BAZ2B: variants seen among roughly 807,000 people sequenced by gnomAD.
BAZ2B encodes bromodomain adjacent to zinc finger domain protein 2B.
Under a neutral mutation model 246.0 loss-of-function variants are expected in BAZ2B, and 91 were observed. The observed-to-expected ratio is 0.37, with a 90% CI of 0.31 to 0.44. BAZ2B has a LOEUF of 0.44. Among genes scored for constraint, BAZ2B ranks in the 20% least tolerant of loss-of-function variants. The pLI, the probability that BAZ2B is intolerant of heterozygous loss-of-function variation, is 1.00. For synonymous variants in BAZ2B, 855 were observed against 860.0 expected (o/e 0.99, Z 0.10); for missense variants, 2,332 against 2,533.7 (o/e 0.92, Z 1.71).
chr2:159,615,476 C>A, intron 1 of BAZ2B: 1 of 152,548 alleles, frequency 6.6e-6, no homozygotes. Context: ...TTTCCCAATC[C>A]CACCTGCCCC....
chr2:159,382,672 CA>C lies in BAZ2B; in HGVS notation c.3891del (p.Ser1297ArgfsTer58). On this transcript the variant is annotated frameshift_variant, in exon 25 of 37. Coordinates refer to ENST00000392783, the MANE Select transcript of BAZ2B (RefSeq NM_013450.4). LOFTEE classifies it high-confidence loss of function. ...GRKRRRKGGD[S>X]DYDDDDDDDS... ...TCATCGTCATCATCATCGTCATAAT[CA>C]CTGTCTCCTCCCTTCCTTCTTCGCT... 1 of 1,608,098 alleles carries C rather than the reference CA, an allele frequency of 6.2e-7. No homozygotes were observed. Among genetic ancestry groups the C allele is most frequent in the Non-Finnish European group, 8.5e-7 (1 of 1,176,546 alleles).
intron 27 of BAZ2B, among the ~76,000 whole-genome samples, chr2:159,366,547 A>G (rs1437923021): frequency 6.6e-6 from 1 of 152,224 alleles, no homozygotes; most frequent in Non-Finnish European, 1.5e-5. Flanking sequence ...ACAAGCTTTC[A>G]TTACTTTGTA....
chr2:159,449,301 A>G (rs17423523), intron 4 of BAZ2B, among the ~76,000 whole-genome samples: 49,926 of 152,026 alleles, frequency 0.33, 9,754 homozygotes, highest in Non-Finnish European at 0.46. Context: ...CCAACTGGCT[A>G]GTCTGCTAGA....
intron 2 of BAZ2B, among the ~76,000 whole-genome samples, chr2:159,487,320 T>C (rs1014282616): frequency 6.6e-6 from 1 of 152,162 alleles, no homozygotes; most frequent in African/African-American, 2.4e-5. Context: ...CTTTTGTATG[T>C]TTTGTACATT....
chr2:159,465,341 G>A (rs2076910668), intron 3 of BAZ2B, among the ~76,000 whole-genome samples: 1 of 152,136 alleles, frequency 6.6e-6, no homozygotes, highest in Non-Finnish European at 1.5e-5. Context: ...AGCTCTGTAA[G>A]GTATCTATAT....
intron 2 of BAZ2B, among the ~76,000 whole-genome samples, chr2:159,549,702 C>T (rs1381559833): frequency 6.6e-6 from 1 of 150,644 alleles, no homozygotes; most frequent in Non-Finnish European, 1.5e-5. Flanking sequence ...ATGTGGCCCA[C>T]AGGCCACAGG....
intron 2 of BAZ2B, among the ~76,000 whole-genome samples, chr2:159,491,298 G>A (rs1255173398): frequency 6.6e-6 from 1 of 152,146 alleles, no homozygotes; most frequent in Admixed American, 6.5e-5. Flanking sequence ...TAAGTAATGT[G>A]CACTTCTGAT....
chr2:159,700,260 A>C, the BAZ2B span, among the ~76,000 whole-genome samples: 1 of 152,214 alleles, frequency 6.6e-6, no homozygotes, highest in East Asian at 1.9e-4. Context: ...AGCGGATATC[A>C]AAATCTATGA....
intron 1 of BAZ2B, among the ~76,000 whole-genome samples, chr2:159,613,264 T>C (rs1398054477): frequency 1.3e-5 from 2 of 152,086 alleles, no homozygotes; most frequent in Non-Finnish European, 2.9e-5. Flanking sequence ...AGTTTAGAAG[T>C]ATTTTTTCAT....
At chr2:159,490,415 C>T (rs1472149287) in intron 2 of BAZ2B, among the ~76,000 whole-genome samples, 2 of 152,110 alleles carry the variant, frequency 1.3e-5, no homozygotes, top group African/African-American at 4.8e-5. Context: ...TAACCTAAAC[C>T]AAATCTTAGT....
chr2:159,329,660 T>C (rs1297679907), intron 34 of BAZ2B, among the ~76,000 whole-genome samples: 9 of 152,220 alleles, frequency 5.9e-5, no homozygotes, highest in African/African-American at 1.9e-4. Flanking sequence ...AATTGAAAGA[T>C]ACTTTAAAAA....
intron 6 of BAZ2B, among the ~76,000 whole-genome samples, chr2:159,445,364 T>G (rs1360989862): frequency 6.6e-6 from 1 of 152,138 alleles, no homozygotes; most frequent in Admixed American, 6.5e-5. Context: ...GTAGGGAATA[T>G]GTACTTTTTG....
the BAZ2B span, among the ~76,000 whole-genome samples, chr2:159,625,570 C>T: frequency 0.29 from 44,160 of 151,946 alleles, 7,551 homozygotes; most frequent in South Asian, 0.46. Flanking sequence ...TCATATATAG[C>T]CAAACTAAGC....
At chr2:159,467,006 T>C (rs919169159) in intron 3 of BAZ2B, among the ~76,000 whole-genome samples, 2 of 152,172 alleles carry the variant, frequency 1.3e-5, no homozygotes, top group African/African-American at 2.4e-5. Context: ...TATTATAATA[T>C]CTCAGGATAT....
the BAZ2B span, among the ~76,000 whole-genome samples, chr2:159,686,496 C>T: frequency 6.6e-6 from 1 of 152,114 alleles, no homozygotes; most frequent in Non-Finnish European, 1.5e-5. Flanking sequence ...ACTCCTCAAA[C>T]TGTCAGAGTC....
At chr2:159,339,325 G>C (rs1255289236) in intron 31 of BAZ2B, among the ~76,000 whole-genome samples, 1 of 152,118 alleles carries the variant, frequency 6.6e-6, no homozygotes, top group African/African-American at 2.4e-5. Flanking sequence ...TGTGGCAAGA[G>C]AGAAGTGAAA....
intron 1 of BAZ2B, among the ~76,000 whole-genome samples, chr2:159,586,203 A>G (rs1687976451): frequency 6.6e-6 from 1 of 152,218 alleles, no homozygotes; most frequent in Non-Finnish European, 1.5e-5. Flanking sequence ...TGTGGTAATT[A>G]TATTACAATT....
At chr2:159,384,181 A>G (rs2112116) in intron 23 of BAZ2B, among the ~76,000 whole-genome samples, 123,863 of 151,864 alleles carry the variant, frequency 0.82, 51,313 homozygotes, top group Middle Eastern at 0.91. Flanking sequence ...TCAAATAGGG[A>G]TGCTTTTTCC....
At chr2:159,624,246 G>A in the BAZ2B span, among the ~76,000 whole-genome samples, 4 of 152,206 alleles carry the variant, frequency 2.6e-5, no homozygotes, top group Non-Finnish European at 5.9e-5. Flanking sequence ...GCACCTGGGG[G>A]AAGGGACGGC....
Sources: allele counts gnomAD v4.1 joint callset (sites outside exome capture counted in the v4.1 genomes callset), GRCh38; gene constraint gnomAD v4.1.1; transcripts MANE v1.5; gene names NCBI Gene and HGNC (gene_info 2026-07-23, HGNC 2026-07-21).